The following SORBS2 variants were observed in gnomAD, a reference collection of about 807,000 sequenced individuals.
The protein encoded by SORBS2 is sorbin and SH3 domain containing 2, also known as sorbin and SH3 domain-containing protein 2.
Under a neutral mutation model 97.7 loss-of-function variants are expected in SORBS2, and 46 were observed. That is an observed-to-expected ratio of 0.47 (90% CI 0.37 to 0.60). The LOEUF (loss-of-function observed/expected upper bound fraction) is 0.60, where lower values mean the gene tolerates loss of function less well. SORBS2 is among the 20% of genes least tolerant of loss of function. The pLI, the probability that SORBS2 is intolerant of heterozygous loss-of-function variation, is 0.00. For missense variants in SORBS2, 1,316 were observed against 1,282.3 expected, an observed-to-expected ratio of 1.03 and a Z score of -0.40; for synonymous variants, 476 against 473.4, an observed-to-expected ratio of 1.01 and a Z score of -0.07.
intron 12 of SORBS2, among the ~76,000 whole-genome samples, chr4:185,597,143 G>A (rs2096122871): frequency 1.3e-5 from 2 of 152,196 alleles, no homozygotes; most frequent in Non-Finnish European, 2.9e-5. Context: ...TTGACTAGTA[G>A]GGAATGAGTA....
At chr4:185,842,944 A>AAAAG (rs2099212491) in intron 1 of SORBS2, among the ~76,000 whole-genome samples, 1 of 151,786 alleles carries the variant, frequency 6.6e-6, no homozygotes, top group Admixed American at 6.6e-5. Context: ...AAAAAAAAAA[A>AAAAG]AAAAATTAAA....
At chr4:185,924,467 C>T (rs975220716) in intron 1 of SORBS2, among the ~76,000 whole-genome samples, 2 of 152,198 alleles carry the variant, frequency 1.3e-5, no homozygotes, top group Non-Finnish European at 2.9e-5. Flanking sequence ...AAGCCCCCAC[C>T]GGCAAGCTTT....
At chr4:185,726,032 G>A (rs1439442116) in intron 2 of SORBS2, among the ~76,000 whole-genome samples, 2 of 152,002 alleles carry the variant, frequency 1.3e-5, no homozygotes, top group Admixed American at 6.6e-5. Flanking sequence ...TTAACCAGAT[G>A]CCTACATTGT....
At chr4:185,741,080 C>T (rs1289144751) in intron 2 of SORBS2, among the ~76,000 whole-genome samples, 1 of 152,126 alleles carries the variant, frequency 6.6e-6, no homozygotes, top group Non-Finnish European at 1.5e-5. Flanking sequence ...TAGACTCAGA[C>T]TCCAAAAATA....
chr4:185,942,043 G>C (rs2099272266), intron 1 of SORBS2, among the ~76,000 whole-genome samples: 2 of 152,084 alleles, frequency 1.3e-5, no homozygotes, highest in African/African-American at 4.8e-5. Flanking sequence ...TTGAACCCAG[G>C]AGGCAGAGGT....
At chr4:185,862,186 A>C (rs2149713561) in intron 1 of SORBS2, among the ~76,000 whole-genome samples, 2 of 152,300 alleles carry the variant, frequency 1.3e-5, no homozygotes, top group South Asian at 4.1e-4. Context: ...AAGCATTACT[A>C]AGAGCAACAG....
intron 4 of SORBS2, among the ~76,000 whole-genome samples, chr4:185,641,758 A>AT (rs1390549946): frequency 2.7e-5 from 4 of 146,134 alleles, no homozygotes; most frequent in African/African-American, 1.0e-4. Context: ...GTTTCTTTTC[A>AT]TTAAAAAAAA....
At chr4:185,625,842 G>C (rs531367775) in intron 6 of SORBS2, among the ~76,000 whole-genome samples, 1 of 152,334 alleles carries the variant, frequency 6.6e-6, no homozygotes, top group South Asian at 2.1e-4. Flanking sequence ...ACACAAATCA[G>C]CTACCACTTT....
intron 1 of SORBS2, among the ~76,000 whole-genome samples, chr4:185,787,251 C>G (rs2153641301): frequency 6.6e-6 from 1 of 152,206 alleles, no homozygotes; most frequent in East Asian, 1.9e-4. Flanking sequence ...TAAAGCAAGA[C>G]AGGGATACTT....
exon 1 of SORBS2, chr4:185,656,782 G>C (rs1257578189): frequency 6.9e-7 from 1 of 1,456,552 alleles, no homozygotes; most frequent in African/African-American, 1.5e-5. Context: ...GATACACTGA[G>C]CAATGCTTTG....
intron 4 of SORBS2, chr4:185,676,892 G>T: frequency 1.1e-6 from 1 of 880,396 alleles, no homozygotes; most frequent in Non-Finnish European, 1.7e-6. Flanking sequence ...CTTCCTGCTT[G>T]GAAACTAAGA....
intron 2 of SORBS2, among the ~76,000 whole-genome samples, chr4:185,767,291 G>A (rs992689625): frequency 6.7e-4 from 100 of 148,444 alleles, no homozygotes; most frequent in Middle Eastern, 3.5e-3. Flanking sequence ...GAGGTCAGGA[G>A]ATCGAGACCA....
intron 7 of SORBS2, 144 bp downstream of exon 19, chr4:185,622,770 T>C: frequency 1.4e-6 from 1 of 709,706 alleles, no homozygotes; most frequent in Non-Finnish European, 2.3e-6. Flanking sequence ...AAGACATATT[T>C]GCACAACAAG....
intron 7 of SORBS2, among the ~76,000 whole-genome samples, chr4:185,620,823 C>A (rs908994982): frequency 2.0e-5 from 3 of 152,154 alleles, no homozygotes; most frequent in South Asian, 2.1e-4. Context: ...GATATTGTTT[C>A]TTCTTACTCC....
intron 1 of SORBS2, among the ~76,000 whole-genome samples, chr4:185,859,341 T>G (rs1051786521): frequency 6.6e-6 from 1 of 152,184 alleles, no homozygotes; most frequent in Non-Finnish European, 1.5e-5. Context: ...AGAGCATACC[T>G]TATCCTCCCA....
chr4:185,591,173 G>A (rs2095921993), intron 13 of SORBS2, among the ~76,000 whole-genome samples: 1 of 152,162 alleles, frequency 6.6e-6, no homozygotes, highest in South Asian at 2.1e-4. Context: ...GACTGGGGGA[G>A]CTGGATAGAG....
intron 4 of SORBS2, 66 bp from the exon 16 acceptor site, chr4:185,635,477 A>G: frequency 8.6e-7 from 1 of 1,166,548 alleles, no homozygotes; most frequent in Non-Finnish European, 1.3e-6. Context: ...AATGGCAGCA[A>G]GGAATGAACA....
chr4:185,835,017 G>C (rs1269343183), intron 1 of SORBS2, among the ~76,000 whole-genome samples: 1 of 152,190 alleles, frequency 6.6e-6, no homozygotes, highest in Admixed American at 6.5e-5. Flanking sequence ...TCGTGAAAGT[G>C]AGTGAGTTCC....
intron 4 of SORBS2, among the ~76,000 whole-genome samples, chr4:185,640,821 A>G (rs887823085): frequency 6.6e-6 from 1 of 152,230 alleles, no homozygotes; most frequent in Non-Finnish European, 1.5e-5. Context: ...TTAGAGAGAC[A>G]TACTATTTCT....
Sources: gnomAD v4.1 joint callset for allele counts (sites outside exome capture counted in the v4.1 genomes callset) on GRCh38, gnomAD v4.1.1 for gene constraint, MANE v1.5 for transcripts, NCBI Gene and HGNC (gene_info 2026-07-23, HGNC 2026-07-21) for gene names.